Variants in SLCO2A1 observed in about 807,000 individuals in gnomAD.
The protein encoded by SLCO2A1 is matrin F/G 1.
A neutral mutation model predicts 71.7 loss-of-function variants in SLCO2A1; 60 were observed. The observed-to-expected ratio is 0.84, with a 90% CI of 0.68 to 1.04. SLCO2A1 has a LOEUF of 1.04. Among genes scored for constraint, SLCO2A1 ranks in the 50% least tolerant of loss-of-function variants. SLCO2A1 has a pLI of 0.00. For missense variants in SLCO2A1, 745 were observed against 813.4 expected, an observed-to-expected ratio of 0.92 and a Z score of 1.02; for synonymous variants, 308 against 326.7, an observed-to-expected ratio of 0.94 and a Z score of 0.62.
chr3:134,022,631 C>G (rs1316947362), intron 1 of SLCO2A1, among the ~76,000 whole-genome samples: 9 of 152,126 alleles, frequency 5.9e-5, no homozygotes, highest in African/African-American at 2.2e-4. Context: ...TCTATAAAAT[C>G]TTACCTTATG....
At chr3:134,001,192 A>G (rs542471362) in intron 1 of SLCO2A1, among the ~76,000 whole-genome samples, 1 of 150,844 alleles carries the variant, frequency 6.6e-6, no homozygotes, top group South Asian at 2.1e-4. Flanking sequence ...ATCTCAACTC[A>G]CTGCAACCTC....
chr3:133,971,940 C>A (rs188746802), intron 3 of SLCO2A1, among the ~76,000 whole-genome samples: 1 of 152,306 alleles, frequency 6.6e-6, no homozygotes, highest in African/African-American at 2.4e-5. Flanking sequence ...AGGCCACATA[C>A]AATTTCCACA....
intron 3 of SLCO2A1, among the ~76,000 whole-genome samples, chr3:133,956,840 G>A (rs780349007): frequency 2.0e-5 from 3 of 152,194 alleles, no homozygotes; most frequent in Non-Finnish European, 4.4e-5. Context: ...TGGACTACTT[G>A]AATATGCAGA....
At chr3:133,934,911 C>G (rs1933231216) in intron 13 of SLCO2A1, 81 bp from the exon 14 acceptor site, 1 of 1,114,276 alleles carries the variant, frequency 9.0e-7, no homozygotes, top group Admixed American at 1.8e-5. Context: ...TGGGAAGAAC[C>G]ACATCATTCC....
intron 1 of SLCO2A1, among the ~76,000 whole-genome samples, chr3:134,001,931 A>G (rs1271888585): frequency 6.6e-6 from 1 of 152,130 alleles, no homozygotes; most frequent in Non-Finnish European, 1.5e-5. Context: ...AGCGATCGCC[A>G]CCCTCGTGAA....
Position 134,029,740 on chromosome 3 carries a change from G to C in SLCO2A1, c.63C>G (p.Gly21=), listed in dbSNP as rs372764663. The C allele has an allele frequency of 6.3e-7, 1 of 1,588,092 alleles. No individual in the cohort carries two copies. Among genetic ancestry groups the C allele is most frequent in the Non-Finnish European group, 8.5e-7 (1 of 1,171,400 alleles). Residue 21 remains glycine, a synonymous_variant, in exon 1 of 14, where the codon GGC becomes GGG. Coordinates refer to ENST00000310926, the MANE Select transcript of SLCO2A1 (RefSeq NM_005630.3). ...QGSDTSTSRA[G]RCARSVFGNI... Reference sequence around the variant, plus strand: ...TGCCGAAGACCGAGCGGGCACAGCGGCCGGCTCGGCTAGTAGAGGTGTCGC... The same window carrying C: ...TGCCGAAGACCGAGCGGGCACAGCGCCCGGCTCGGCTAGTAGAGGTGTCGC...
At chr3:133,941,772 T>G (rs1200554293) in intron 11 of SLCO2A1, among the ~76,000 whole-genome samples, 1 of 152,156 alleles carries the variant, frequency 6.6e-6, no homozygotes, top group Non-Finnish European at 1.5e-5. Flanking sequence ...TTTCTCATTT[T>G]CATCCTTTTC....
At chr3:133,993,271 C>T (rs377481167) in intron 1 of SLCO2A1, among the ~76,000 whole-genome samples, 3 of 152,212 alleles carry the variant, frequency 2.0e-5, no homozygotes, top group Middle Eastern at 3.2e-3. Flanking sequence ...AGTTCCCGCC[C>T]GTGAAGGGGT....
chr3:133,949,040 G>A (rs1933667830), intron 6 of SLCO2A1, 69 bp from the exon 7 acceptor site: 1 of 1,373,298 alleles, frequency 7.3e-7, no homozygotes, highest in Non-Finnish European at 1.0e-6. Context: ...CTGAGCCCTT[G>A]AGTCTCTGGC....
intron 3 of SLCO2A1, among the ~76,000 whole-genome samples, chr3:133,962,615 C>T (rs554014436): frequency 6.6e-6 from 1 of 152,280 alleles, no homozygotes; most frequent in East Asian, 1.9e-4. Context: ...TGCACCACTC[C>T]ACACCTCTCC....
chr3:133,934,899 A>G (rs1282518256), intron 13 of SLCO2A1, 69 bp from the exon 14 acceptor site: 1 of 1,237,226 alleles, frequency 8.1e-7, no homozygotes, highest in Non-Finnish European at 1.2e-6. Context: ...GGCCAGGACC[A>G]CTGGGAAGAA....
intron 10 of SLCO2A1, among the ~76,000 whole-genome samples, chr3:133,944,759 G>A (rs1933519478): frequency 1.3e-5 from 2 of 152,250 alleles, no homozygotes; most frequent in African/African-American, 4.8e-5. Flanking sequence ...AGGACCCAGA[G>A]ATGCCCATGA....
intron 1 of SLCO2A1, among the ~76,000 whole-genome samples, chr3:134,005,473 G>A (rs1392458998): frequency 7.3e-6 from 1 of 136,702 alleles, no homozygotes; most frequent in Non-Finnish European, 1.5e-5. Context: ...CCATTTTCAT[G>A]TGTTATAATT....
chr3:134,005,706 C>T lies in SLCO2A1; in HGVS notation c.96+24001G>A, dbSNP rs1191055203. On this transcript the variant is annotated intron_variant, in intron 1 of 13. Coordinates refer to ENST00000310926, the MANE Select transcript of SLCO2A1 (RefSeq NM_005630.3). ...CCATGTTAGCCAGGATGGTCTCAAT[C>T]TCCTGACCACGTGATCCACCGGCCT... is the stretch of plus-strand genomic sequence containing the variant. Among the ~76,000 whole-genome samples, 4 of 152,032 alleles carry T rather than the reference C, an allele frequency of 2.6e-5. No individual in the cohort carries two copies. The East Asian group carries it at 7.7e-4, about 29-fold the overall frequency.
At chr3:133,974,570 A>C (rs1451979697) in intron 2 of SLCO2A1, among the ~76,000 whole-genome samples, 8 of 152,192 alleles carry the variant, frequency 5.3e-5, no homozygotes, top group Non-Finnish European at 1.2e-4. Context: ...AATGAAGGAT[A>C]AGAACTAGAG....
At chr3:133,950,000 T>C (rs1933697329) in intron 6 of SLCO2A1, among the ~76,000 whole-genome samples, 2 of 152,014 alleles carry the variant, frequency 1.3e-5, no homozygotes, top group South Asian at 4.2e-4. Flanking sequence ...GCTAAGTTTT[T>C]AAAATAATTT....
chr3:133,978,757 G>A (rs1934516947), intron 2 of SLCO2A1, among the ~76,000 whole-genome samples: 1 of 152,104 alleles, frequency 6.6e-6, no homozygotes, highest in Admixed American at 6.5e-5. Context: ...CCAGACTATG[G>A]AGACAGGATG....
chr3:134,007,874 C>T (rs1935250652), intron 1 of SLCO2A1, among the ~76,000 whole-genome samples: 1 of 152,198 alleles, frequency 6.6e-6, no homozygotes, highest in Non-Finnish European at 1.5e-5. Flanking sequence ...TCAATTCATT[C>T]TTCATTTCTT....
At chr3:133,979,439 G>A in intron 2 of SLCO2A1, 42 bp downstream of exon 2, 2 of 1,612,382 alleles carry the variant, frequency 1.2e-6, no homozygotes, top group Non-Finnish European at 8.5e-7. Flanking sequence ...TGGTCAGCGT[G>A]GTGCACAAGT....
Sources: gnomAD v4.1 joint callset for allele counts (sites outside exome capture counted in the v4.1 genomes callset) on GRCh38, gnomAD v4.1.1 for gene constraint, MANE v1.5 for transcripts, NCBI Gene and HGNC (gene_info 2026-07-23, HGNC 2026-07-21) for gene names.